DACH2: variants seen among roughly 807,000 people sequenced by gnomAD.
The protein encoded by DACH2 is dachshund homolog 2.
In DACH2, 17 loss-of-function variants were observed where a neutral mutation model predicts 35.8. The observed-to-expected ratio is 0.48, with a 90% CI of 0.33 to 0.71. The LOEUF is 0.71. Ranked by LOEUF, DACH2 falls within the 30% of genes least tolerant of loss-of-function variation. The pLI, the probability that DACH2 is intolerant of heterozygous loss-of-function variation, is 0.02. For synonymous variants in DACH2, 195 were observed against 177.3 expected (o/e 1.10, Z -0.79); for missense variants, 469 against 472.7 (o/e 0.99, Z 0.07).
intron 1 of DACH2, among the ~76,000 whole-genome samples, chrX:86,360,676 T>C (rs1215737052): frequency 1.1e-5 from 1 of 90,468 alleles, no homozygotes; most frequent in Non-Finnish European, 2.2e-5. Flanking sequence ...TATCCTTTCC[T>C]GAGAAGAATT....
intron 1 of DACH2, among the ~76,000 whole-genome samples, chrX:86,329,750 G>A (rs2035178813): frequency 9.0e-6 from 1 of 111,217 alleles, no homozygotes; most frequent in Admixed American, 9.6e-5. Context: ...ATCATGTTAT[G>A]GGACTTTCAT....
chrX:86,539,489 T>G (rs1272319084), intron 3 of DACH2, among the ~76,000 whole-genome samples: 1 of 111,798 alleles, frequency 8.9e-6, no homozygotes, highest in Non-Finnish European at 1.9e-5. Flanking sequence ...AAAAAGAACA[T>G]CATAGGGTAT....
intron 1 of DACH2, among the ~76,000 whole-genome samples, chrX:86,263,755 T>C (rs1424116501): frequency 8.9e-6 from 1 of 111,801 alleles, no homozygotes; most frequent in African/African-American, 3.2e-5. Flanking sequence ...AGTTTACTTC[T>C]CTCACCCATG....
At chrX:86,380,391 C>T (rs940451961) in intron 2 of DACH2, among the ~76,000 whole-genome samples, 2 of 110,276 alleles carry the variant, frequency 1.8e-5, no homozygotes, top group Non-Finnish European at 3.8e-5. Flanking sequence ...TGGAATCAGA[C>T]TAATTAGAAA....
intron 2 of DACH2, among the ~76,000 whole-genome samples, chrX:86,504,119 C>T (rs2038289260): frequency 9.1e-6 from 1 of 110,362 alleles, no homozygotes; most frequent in African/African-American, 3.3e-5. Context: ...TACATTATTA[C>T]ATTATGAAGG....
At chrX:86,207,165 G>A (rs2032333242) in intron 1 of DACH2, among the ~76,000 whole-genome samples, 1 of 111,350 alleles carries the variant, frequency 9.0e-6, no homozygotes, top group Non-Finnish European at 1.9e-5. Context: ...GACTTATGAA[G>A]ATTAGTCAGG....
chrX:86,240,960 C>T (rs1207759446), intron 1 of DACH2, among the ~76,000 whole-genome samples: 1 of 111,788 alleles, frequency 8.9e-6, no homozygotes, highest in Admixed American at 9.5e-5. Flanking sequence ...GCTTCCTCTA[C>T]AGCCTGTGGA....
intron 2 of DACH2, among the ~76,000 whole-genome samples, chrX:86,488,041 CTCTA>C (rs1392044303): frequency 4.5e-5 from 5 of 111,376 alleles, no homozygotes; most frequent in South Asian, 3.7e-4. Context: ...GTATCTATAT[CTCTA>C]TCTATCACTC....
chrX:86,327,799 C>T (rs1379640952), intron 1 of DACH2, among the ~76,000 whole-genome samples: 1 of 111,629 alleles, frequency 9.0e-6, no homozygotes, highest in Non-Finnish European at 1.9e-5. Context: ...TGAGACACAG[C>T]CCAGTGATCT....
rs754025337 is a variant in DACH2 at position 86,633,507 on chromosome X, C to A, written c.641-17529C>A. 6.3e-5 allele frequency among the ~76,000 whole-genome samples: 7 copies of A among 111,441 alleles called. No individual in the cohort carries two copies. The South Asian group carries it at 2.6e-3, about 42-fold the overall frequency. ...AAAATCCTGGGACTAGATAAATTCA[C>A]GGACGAATTCTACCAGACATGCATA... On this transcript the variant is annotated intron_variant, in intron 3 of 11. Coordinates refer to ENST00000373125, the MANE Select transcript of DACH2 (RefSeq NM_053281.3).
intron 7 of DACH2, among the ~76,000 whole-genome samples, chrX:86,780,608 T>C (rs1305227322): frequency 8.9e-6 from 1 of 111,931 alleles, no homozygotes; most frequent in Non-Finnish European, 1.9e-5. Flanking sequence ...TTCAGCCTGA[T>C]CCAACACTAT....
At position 86,812,876 on chromosome X, in the gene DACH2, C is replaced by T. The variant is rs765715387; in HGVS notation, c.1261C>T (p.Pro421Ser). 50 of 1,195,532 alleles carry T rather than the reference C, an allele frequency of 4.2e-5. No individual in the cohort carries two copies. In the African/African-American group the frequency reaches 7.1e-4, roughly 17 times the overall value. ...ERMEEVPVQI[P>S]IMKSPLDKIQ... The stretch of plus-strand genomic sequence containing the variant: ...TGCAGAAGAGGTACCAGTTCAAATT[C>T]CAATAATGAAGTCACCCTTGGACAA... The change falls in exon 8 of 12, where the codon CCA (proline) becomes TCA (serine). Residue 421 changes from proline to serine, a missense_variant. Around this residue, in one of 3 missense-constraint regions of DACH2, gnomAD observed 363 missense variants for 334.4 expected, o/e 1.09. Coordinates refer to ENST00000373125, the MANE Select transcript of DACH2 (RefSeq NM_053281.3).
chrX:86,463,129 GTTAA>G (rs1158135254), intron 2 of DACH2, among the ~76,000 whole-genome samples: 1 of 110,541 alleles, frequency 9.0e-6, no homozygotes, highest in African/African-American at 3.3e-5. Flanking sequence ...GAACATTCCT[GTTAA>G]TTATTGTACT....
intron 7 of DACH2, among the ~76,000 whole-genome samples, chrX:86,774,638 A>G (rs2042014497): frequency 8.9e-6 from 1 of 111,985 alleles, no homozygotes; most frequent in African/African-American, 3.2e-5. Context: ...TCTGAACACA[A>G]TGGTTCGGAT....
intron 1 of DACH2, among the ~76,000 whole-genome samples, chrX:86,350,038 C>A (rs2035567302): frequency 9.0e-6 from 1 of 111,296 alleles, no homozygotes; most frequent in South Asian, 3.8e-4. Flanking sequence ...CCTGATGGCG[C>A]ATGCCTGTAG....
chrX:86,568,193 G>A (rs2039317076), intron 3 of DACH2, among the ~76,000 whole-genome samples: 1 of 111,385 alleles, frequency 9.0e-6, no homozygotes, highest in East Asian at 2.9e-4. Flanking sequence ...AAACTATTCT[G>A]TATAACACTC....
chrX:86,538,350 C>A (rs1032554696), intron 3 of DACH2, among the ~76,000 whole-genome samples: 7 of 111,573 alleles, frequency 6.3e-5, no homozygotes, highest in African/African-American at 1.6e-4. Context: ...GCAATCTAGG[C>A]TTTTTCTTCC....
chrX:86,771,226 A>T (rs1335448789), intron 7 of DACH2, among the ~76,000 whole-genome samples: 2 of 112,383 alleles, frequency 1.8e-5, no homozygotes, highest in African/African-American at 3.2e-5. Flanking sequence ...TACTAAATTG[A>T]TTATTGATGC....
At position 86,382,461 on chromosome X, in the gene DACH2, T is replaced by TACACACACACACACACACACAC. The variant is rs55825336; in HGVS notation, c.527+5622_527+5643dup. On this transcript the variant is annotated intron_variant, in intron 2 of 11. Transcript: ENST00000373125. ...CAGAGTTGCAAATATGCTACATTCA[T>TACACACACACACACACACACAC]ACACACACACACACACACACACACA... is the stretch of plus-strand genomic sequence containing the variant. 2.7e-4 allele frequency among the ~76,000 whole-genome samples: 26 copies of TACACACACACACACACACACAC among 94,609 alleles called. 1 individual carries two copies. Among genetic ancestry groups the TACACACACACACACACACACAC allele is most frequent in the African/African-American group, 9.2e-4 (23 of 24,996 alleles). 82.2% of individuals were successfully genotyped at this position (94,609 alleles called of 115,157 possible).
Sources: gnomAD v4.1 joint callset for allele counts (sites outside exome capture counted in the v4.1 genomes callset) on GRCh38, gnomAD v4.1.1 for gene constraint, gnomAD v4.1.1 regional missense constraint, MANE v1.5 for transcripts, NCBI Gene and HGNC (gene_info 2026-07-23, HGNC 2026-07-21) for gene names.